AP3M1: variants seen among roughly 807,000 people sequenced by gnomAD.
The protein encoded by AP3M1 is adaptor related protein complex 3 subunit mu 1.
A neutral mutation model predicts 42.6 loss-of-function variants in AP3M1; 29 were observed. That is an observed-to-expected ratio of 0.68 (90% CI 0.51 to 0.93). The LOEUF is 0.93. Ranked by LOEUF, AP3M1 falls within the 40% of genes least tolerant of loss-of-function variation. The pLI, the probability that AP3M1 is intolerant of heterozygous loss-of-function variation, is 0.00. For missense variants in AP3M1, 416 were observed against 510.2 expected, an observed-to-expected ratio of 0.82 and a Z score of 1.78; for synonymous variants, 178 against 175.3, an observed-to-expected ratio of 1.02 and a Z score of -0.12.
chr10:74,134,093 T>C lies in AP3M1; in HGVS notation c.517A>G (p.Lys173Glu). The C allele has an allele frequency of 6.2e-7, 1 of 1,614,196 alleles. No homozygotes were observed. Among genetic ancestry groups the C allele is most frequent in the Non-Finnish European group, 8.5e-7 (1 of 1,180,026 alleles). Reference protein sequence around the residue: ...SNIPWRRAGVKYTNNEAYFDV... With the variant: ...SNIPWRRAGVEYTNNEAYFDV... ...AAATAGGCTTCATTGTTTGTGTACT[T>C]TACCCCTGCCCGACGCCATGGTATG... Residue 173 changes from lysine (K) to glutamate (E), a missense_variant, in exon 4 of 9, where the codon AAG becomes GAG. By Grantham distance (56) the Lys-to-Glu change is moderately conservative (BLOSUM62 1). Transcript: ENST00000355264.
At chr10:74,130,351 T>A in intron 4 of AP3M1, among the ~76,000 whole-genome samples, 1 of 152,218 alleles carries the variant, frequency 6.6e-6, no homozygotes, top group East Asian at 1.9e-4. Flanking sequence ...GGCTGGAATA[T>A]AATAATAATT....
intron 1 of AP3M1, among the ~76,000 whole-genome samples, chr10:74,144,856 G>T (rs1425031357): frequency 6.6e-6 from 1 of 151,930 alleles, no homozygotes; most frequent in Admixed American, 6.6e-5. Flanking sequence ...TAGAGATGGG[G>T]TTTCACCATG....
chr10:74,138,659 A>G, intron 1 of AP3M1: 1 of 242,348 alleles, frequency 4.1e-6, no homozygotes, highest in Non-Finnish European at 7.9e-6. Flanking sequence ...AGCCAGGCTC[A>G]GTGGCACATG....
intron 6 of AP3M1, among the ~76,000 whole-genome samples, chr10:74,127,742 T>G (rs914111176): frequency 6.6e-6 from 1 of 152,086 alleles, no homozygotes; most frequent in Non-Finnish European, 1.5e-5. Context: ...AAATGAATTA[T>G]GATCCCACTG....
In AP3M1 at chr10:74,129,892, G is replaced by T; in HGVS notation, c.669+15C>A. On this transcript the variant is annotated intron_variant, in intron 5 of 8. Coordinates refer to ENST00000355264, the MANE Select transcript of AP3M1 (RefSeq NM_012095.6). ...AGGCATTCAAGGGGCTATAAAACAG[G>T]AGAATAAAACTTACCATGAAAGAAA... 1 of 1,582,336 alleles carries T rather than the reference G, an allele frequency of 6.3e-7. No homozygotes were observed. Among genetic ancestry groups the T allele is most frequent in the Non-Finnish European group, 8.7e-7 (1 of 1,151,624 alleles).
intron 4 of AP3M1, among the ~76,000 whole-genome samples, chr10:74,133,801 C>T (rs1473307502): frequency 2.0e-5 from 3 of 151,398 alleles, no homozygotes; most frequent in Non-Finnish European, 4.4e-5. Context: ...ATTACAGGTG[C>T]GCGCCACCAT....
Position 74,129,946 on chromosome 10 carries a change from A to C in AP3M1, c.630T>G (p.Ile210Met), listed in dbSNP as rs1345132039. ...AGAGATCAGGCATTCCAGATAGTTT[A>C]ATGCAAGCATCAATGACCCCCTGAA... ...AEIQGVIDACIKLSGMPDLSL... is the reference protein window; with the variant it reads ...AEIQGVIDACMKLSGMPDLSL... Residue 210 changes from isoleucine to methionine, a missense_variant, in exon 5 of 9, where the codon ATT (isoleucine) becomes ATG (methionine). By Grantham distance (10) the Ile-to-Met change is conservative (BLOSUM62 1). Coordinates refer to ENST00000355264, the MANE Select transcript of AP3M1 (RefSeq NM_012095.6). 6.2e-7 allele frequency: 1 copy of C among 1,613,922 alleles called. No homozygotes were observed. The highest frequency in any genetic ancestry group is 8.5e-7 in the Non-Finnish European group (1 of 1,179,888).
At chr10:74,133,623 G>A (rs1042486925) in intron 4 of AP3M1, among the ~76,000 whole-genome samples, 4 of 150,626 alleles carry the variant, frequency 2.7e-5, no homozygotes, top group Non-Finnish European at 5.9e-5. Context: ...CCTTTCCACC[G>A]AAACCATACT....
chr10:74,147,072 C>T (rs554260027), intron 1 of AP3M1, among the ~76,000 whole-genome samples: 2 of 152,136 alleles, frequency 1.3e-5, no homozygotes, highest in East Asian at 3.9e-4. Flanking sequence ...CACCTGAGCT[C>T]GGGAGTTCGA....
At chr10:74,132,036 T>C (rs1208724430) in intron 4 of AP3M1, among the ~76,000 whole-genome samples, 2 of 152,084 alleles carry the variant, frequency 1.3e-5, no homozygotes, top group African/African-American at 4.8e-5. Context: ...TTTTTTCTTT[T>C]TTCTTTTTTT....
At chr10:74,128,621 C>T (rs1021069830) in intron 6 of AP3M1, among the ~76,000 whole-genome samples, 1 of 152,104 alleles carries the variant, frequency 6.6e-6, no homozygotes, top group African/African-American at 2.4e-5. Flanking sequence ...TCCTCACGAA[C>T]TACAGGTAGG....
chr10:74,143,814 T>C (rs1395729418), intron 1 of AP3M1, among the ~76,000 whole-genome samples: 1 of 152,202 alleles, frequency 6.6e-6, no homozygotes, highest in Non-Finnish European at 1.5e-5. Context: ...TAGGAACACG[T>C]TCTAATACAG....
chr10:74,144,483 G>C (rs570569245), intron 1 of AP3M1, among the ~76,000 whole-genome samples: 1 of 152,120 alleles, frequency 6.6e-6, no homozygotes, highest in East Asian at 1.9e-4. Flanking sequence ...TGCCCAGGCT[G>C]ATCCTGGACT....
chr10:74,134,610 G>A (rs1840887587), intron 3 of AP3M1, among the ~76,000 whole-genome samples: 1 of 152,206 alleles, frequency 6.6e-6, no homozygotes, highest in Non-Finnish European at 1.5e-5. Context: ...TGGAGTAAAT[G>A]GAATCTGGCC....
At chr10:74,137,987 G>A (rs915751625) in intron 2 of AP3M1, 120 bp downstream of exon 2, 26 of 1,054,428 alleles carry the variant, frequency 2.5e-5, no homozygotes, top group African/African-American at 3.2e-5. Flanking sequence ...ATGAATTTAC[G>A]CTTAAACAGA....
At chr10:74,150,295 C>T in intron 1 of AP3M1, 1 of 152,968 alleles carries the variant, frequency 6.5e-6, no homozygotes, top group Non-Finnish European at 1.5e-5. Flanking sequence ...CGTCACTCTT[C>T]CACACTCACT....
chr10:74,126,378 A>G, intron 6 of AP3M1, 23 bp from the exon 7 acceptor site: 1 of 1,596,502 alleles, frequency 6.3e-7, no homozygotes, highest in Non-Finnish European at 8.6e-7. Flanking sequence ...ACAGAGAAAG[A>G]TACAAAAGCA....
chr10:74,129,309 T>C, intron 5 of AP3M1, 68 bp from the exon 6 acceptor site: 1 of 1,516,500 alleles, frequency 6.6e-7, no homozygotes, highest in Non-Finnish European at 9.0e-7. Flanking sequence ...TCAGATACCT[T>C]GACAAATATG....
In AP3M1 at chr10:74,133,991, G is replaced by T. The variant is rs1591750512; in HGVS notation, c.583+36C>A. The T allele has an allele frequency of 3.7e-6, 6 of 1,609,478 alleles. No individual in the cohort carries two copies. In the East Asian group the frequency reaches 8.9e-5, roughly 24 times the overall value. ...TCTATTCATCTGTGTCAGATGAATT[G>T]TTTTTCCCCAAATAAGATGACATGC... On this transcript the variant is annotated intron_variant, in intron 4 of 8. Transcript: ENST00000355264.
Sources: gnomAD v4.1 joint callset for allele counts (sites outside exome capture counted in the v4.1 genomes callset) on GRCh38, gnomAD v4.1.1 for gene constraint, MANE v1.5 for transcripts, NCBI Gene and HGNC (gene_info 2026-07-23, HGNC 2026-07-21) for gene names.